The following JAK1 variants were observed in gnomAD, a reference collection of about 807,000 sequenced individuals.
The protein encoded by JAK1 is tyrosine-protein kinase JAK1.
A neutral mutation model predicts 136.6 loss-of-function variants in JAK1; 16 were observed. That is an observed-to-expected ratio of 0.12 (90% CI 0.08 to 0.18). The LOEUF is 0.18. Ranked by LOEUF, JAK1 falls within the 10% of genes least tolerant of loss-of-function variation. The probability of loss-of-function intolerance (pLI) is 1.00; values close to 1 mark genes in which losing one functional copy is unlikely to be tolerated. For missense variants in JAK1, 859 were observed against 1,450.1 expected (o/e 0.59, Z 6.62); for synonymous variants, 492 against 519.5 (o/e 0.95, Z 0.72).
At chr1:64,985,151 A>G (rs1172728427) in intron 2 of JAK1, 1 of 1,304,976 alleles carries the variant, frequency 7.7e-7, no homozygotes. Context: ...TGAAGATAGT[A>G]TTAACCACAC....
At chr1:65,063,880 A>G (rs1647928258) in intron 1 of JAK1, among the ~76,000 whole-genome samples, 1 of 151,956 alleles carries the variant, frequency 6.6e-6, no homozygotes, top group Admixed American at 6.6e-5. Context: ...TGCAGGCCTG[A>G]GCTGTCCAAT....
chr1:64,982,727 C>T (rs780868688), intron 2 of JAK1, among the ~76,000 whole-genome samples: 1 of 151,980 alleles, frequency 6.6e-6, no homozygotes, highest in African/African-American at 2.4e-5. Flanking sequence ...CTTTAAATCT[C>T]AGTTTTTTAA....
chr1:65,057,581 C>T (rs1647602639), intron 1 of JAK1, among the ~76,000 whole-genome samples: 1 of 151,822 alleles, frequency 6.6e-6, no homozygotes, highest in African/African-American at 2.4e-5. Context: ...GTCTCAGACT[C>T]GGGAGGTTGA....
intron 14 of JAK1, 98 bp from the exon 15 acceptor site, chr1:64,845,738 C>T (rs906963856): frequency 1.8e-5 from 26 of 1,428,510 alleles, no homozygotes; most frequent in Admixed American, 1.0e-4. Context: ...CACTACTCGG[C>T]CTCAGAGTAC....
At chr1:64,989,056 G>A (rs1291842250) in intron 2 of JAK1, among the ~76,000 whole-genome samples, 4 of 145,848 alleles carry the variant, frequency 2.7e-5, no homozygotes, top group African/African-American at 7.5e-5. Flanking sequence ...GCTGGGCATG[G>A]TGGCTCACGC....
chr1:65,067,159 C>A (rs1428127447), intron 1 of JAK1, among the ~76,000 whole-genome samples: 1 of 151,674 alleles, frequency 6.6e-6, no homozygotes, highest in Non-Finnish European at 1.5e-5. Context: ...CCGCCCCGCG[C>A]CGCCGCCCCC....
chr1:64,874,296 A>G (rs987967776), intron 4 of JAK1, among the ~76,000 whole-genome samples: 2 of 152,108 alleles, frequency 1.3e-5, no homozygotes, highest in Non-Finnish European at 2.9e-5. Flanking sequence ...TTTTTTTTCA[A>G]TAAGTATATT....
At chr1:65,039,518 G>A (rs1647110363) in intron 2 of JAK1, among the ~76,000 whole-genome samples, 1 of 152,128 alleles carries the variant, frequency 6.6e-6, no homozygotes, top group Non-Finnish European at 1.5e-5. Context: ...TACATCATTT[G>A]TAAGCTACTA....
intron 1 of JAK1, among the ~76,000 whole-genome samples, chr1:64,964,821 CTA>C (rs1435266614): frequency 2.6e-5 from 4 of 152,160 alleles, no homozygotes; most frequent in Non-Finnish European, 5.9e-5. Flanking sequence ...TGATCTGGAT[CTA>C]TACAGGGGAG....
At position 64,847,643 on chromosome 1, in the gene JAK1, G is replaced by A; in HGVS notation, c.1788C>T (p.His596=). ...AATCCATCAGGGTCCCAGAATAGAT[G>A]TGTGTTCTCGTGCCTCTCCCAAGGT... is the stretch of plus-strand genomic sequence containing the variant. ...GEHLGRGTRT[H]IYSGTLMDYK... Residue 596 remains histidine (H), a synonymous_variant, in exon 13 of 25, where the codon CAC becomes CAT. Transcript: ENST00000342505. The A allele has an allele frequency of 6.2e-7, 1 of 1,614,136 alleles. No homozygotes were observed. The highest frequency in any genetic ancestry group is 8.5e-7 in the Non-Finnish European group (1 of 1,180,006).
intron 1 of JAK1, among the ~76,000 whole-genome samples, chr1:65,054,304 A>G (rs1284775264): frequency 6.6e-6 from 1 of 152,170 alleles, no homozygotes; most frequent in Non-Finnish European, 1.5e-5. Context: ...AAGACTAACC[A>G]GGATACTTTT....
At chr1:64,872,749 T>A (rs570441799) in intron 5 of JAK1, among the ~76,000 whole-genome samples, 220 of 151,896 alleles carry the variant, frequency 1.4e-3, no homozygotes, top group Middle Eastern at 6.8e-3. Flanking sequence ...GGACAAACAA[T>A]AAAAAAAATC....
chr1:64,971,035 A>G (rs927738295), upstream of JAK1, among the ~76,000 whole-genome samples: 4 of 152,238 alleles, frequency 2.6e-5, no homozygotes, highest in Non-Finnish European at 5.9e-5. Context: ...TTAGATAACA[A>G]TGGGAAAATA....
intron 1 of JAK1, among the ~76,000 whole-genome samples, chr1:64,888,291 C>G (rs999525903): frequency 1.3e-5 from 2 of 152,236 alleles, no homozygotes; most frequent in Admixed American, 6.5e-5. Context: ...AAGTGATTCT[C>G]ATGCCTCAGC....
At chr1:65,014,716 T>G (rs1202144927) in intron 2 of JAK1, among the ~76,000 whole-genome samples, 9 of 151,130 alleles carry the variant, frequency 6.0e-5, no homozygotes, top group Non-Finnish European at 1.3e-4. Context: ...ATGGAGTCTC[T>G]CTCTGTCGCC....
At chr1:64,983,660 T>A (rs1005277027) in intron 2 of JAK1, among the ~76,000 whole-genome samples, 1 of 151,520 alleles carries the variant, frequency 6.6e-6, no homozygotes, top group Non-Finnish European at 1.5e-5. Context: ...GGGGAAGGAG[T>A]TGTTTGGTCC....
At chr1:64,894,904 C>G (rs1570724233) in intron 1 of JAK1, among the ~76,000 whole-genome samples, 2 of 152,262 alleles carry the variant, frequency 1.3e-5, no homozygotes, top group Admixed American at 6.5e-5. Flanking sequence ...ACTGCCCTGC[C>G]AACAAAGACT....
chr1:64,859,022 G>A (rs1656127066), intron 9 of JAK1, among the ~76,000 whole-genome samples: 2 of 152,214 alleles, frequency 1.3e-5, no homozygotes, highest in South Asian at 2.1e-4. Context: ...GGCAGAAGAC[G>A]CTTTTCAAAT....
chr1:65,002,621 G>C (rs1171366405), intron 2 of JAK1: 1 of 152,308 alleles, frequency 6.6e-6, no homozygotes. Flanking sequence ...ACCCCGGAGG[G>C]CTCCAGGTTT....
Sources: gnomAD v4.1 joint callset for allele counts (sites outside exome capture counted in the v4.1 genomes callset) on GRCh38, gnomAD v4.1.1 for gene constraint, MANE v1.5 for transcripts, NCBI Gene and HGNC (gene_info 2026-07-23, HGNC 2026-07-21) for gene names.